Variants in AGBL1 observed in about 807,000 individuals in gnomAD.
AGBL1 encodes the protein AGBL carboxypeptidase 1, also known as cytosolic carboxypeptidase 4.
A neutral mutation model predicts 118.9 loss-of-function variants in AGBL1; 130 were observed. The observed-to-expected ratio is 1.09, with a 90% confidence interval of 0.95 to 1.26. AGBL1 has a LOEUF of 1.26. Among genes scored for constraint, AGBL1 ranks in the 50% most tolerant of loss-of-function variants. AGBL1 has a pLI of 0.00. For synonymous variants in AGBL1, 555 were observed against 478.9 expected (o/e 1.16, Z -2.08); for missense variants, 1,584 against 1,298.1 (o/e 1.22, Z -3.38).
At chr15:86,697,940 C>T (rs961661535) in intron 22 of AGBL1, among the ~76,000 whole-genome samples, 2 of 151,908 alleles carry the variant, frequency 1.3e-5, no homozygotes, top group South Asian at 2.1e-4. Context: ...GGGCTGTCTC[C>T]CAGGTCCTGC....
chr15:86,550,831 G>A (rs2083654350), intron 20 of AGBL1, among the ~76,000 whole-genome samples: 1 of 151,724 alleles, frequency 6.6e-6, no homozygotes, highest in Non-Finnish European at 1.5e-5. Context: ...CTTATAATAG[G>A]CTATTAAATA....
chr15:86,720,922 A>G (rs1156400103), intron 22 of AGBL1, among the ~76,000 whole-genome samples: 2 of 152,198 alleles, frequency 1.3e-5, no homozygotes, highest in East Asian at 1.9e-4. Context: ...ATTCCTCAAC[A>G]CATACACCCT....
At chr15:86,311,321 A>G (rs1354999974) in intron 17 of AGBL1, among the ~76,000 whole-genome samples, 3 of 152,172 alleles carry the variant, frequency 2.0e-5, no homozygotes, top group African/African-American at 7.2e-5. Context: ...TGATCTTTCT[A>G]CTTTACATGC....
intron 18 of AGBL1, among the ~76,000 whole-genome samples, chr15:86,450,579 T>G (rs2082181068): frequency 6.6e-6 from 1 of 152,192 alleles, no homozygotes; most frequent in Admixed American, 6.5e-5. Context: ...GAATGACTAC[T>G]TACTTACCCA....
At chr15:86,495,661 C>T (rs1396505652) in intron 18 of AGBL1, among the ~76,000 whole-genome samples, 1 of 151,892 alleles carries the variant, frequency 6.6e-6, no homozygotes, top group Non-Finnish European at 1.5e-5. Flanking sequence ...TTTGATTAAA[C>T]AACCTGGTCT....
rs1341920193 is a variant in AGBL1 at position 86,907,342 on chromosome 15, T to G, written c.*48T>G. On this transcript the variant is annotated 3_prime_UTR_variant, in exon 23 of 23. Coordinates refer to ENST00000614907, the MANE Select transcript of AGBL1 (RefSeq NM_001386094.1). Reference sequence around the variant, plus strand: ...TGTGTCTCCAACCATTGGATTGGACTAGCAGCTGTGTTGCTGCTTCTTCAT... The same window carrying G: ...TGTGTCTCCAACCATTGGATTGGACGAGCAGCTGTGTTGCTGCTTCTTCAT... 3 of 152,226 alleles carry G rather than the reference T, an allele frequency of 2.0e-5. No individual in the cohort carries two copies. The highest frequency in any genetic ancestry group is 7.2e-5 in the African/African-American group (3 of 41,460). 9.4% of individuals were successfully genotyped at this position (152,226 alleles called of 1,614,324 possible).
At position 86,562,856 on chromosome 15, in the gene AGBL1, C is replaced by T. The variant is rs2083848020; in HGVS notation, c.2994+8319C>T. ...GGTCTATTCAGGGAATCAACTTCTTCCTGGTTTAGTCTTGGGAGGGTGCAT... is the reference window on the plus strand; with the variant it reads ...GGTCTATTCAGGGAATCAACTTCTTTCTGGTTTAGTCTTGGGAGGGTGCAT... On this transcript the variant is annotated intron_variant, in intron 21 of 22. Transcript: ENST00000614907. Among the ~76,000 whole-genome samples the T allele has an allele frequency of 3.3e-5, 4 of 122,384 alleles. 1 individual carries two copies. The South Asian group carries it at 1.1e-3, about 35-fold the overall frequency. The allele number at this position is 122,384 out of a possible 152,430, so 80.3% of individuals were successfully genotyped here.
intron 16 of AGBL1, among the ~76,000 whole-genome samples, chr15:86,286,546 A>G (rs749566516): frequency 8.6e-5 from 13 of 151,812 alleles, no homozygotes; most frequent in Non-Finnish European, 1.5e-4. Context: ...TATTTCATGT[A>G]TAAGTGAGAT....
chr15:86,749,125 A>G (rs949051900), intron 22 of AGBL1, among the ~76,000 whole-genome samples: 21 of 152,238 alleles, frequency 1.4e-4, no homozygotes, highest in African/African-American at 4.8e-4. Context: ...CACGATATTG[A>G]TTCTTCCTAT....
At chr15:86,586,360 A>T (rs2084247778) in intron 21 of AGBL1, among the ~76,000 whole-genome samples, 1 of 152,134 alleles carries the variant, frequency 6.6e-6, no homozygotes, top group Non-Finnish European at 1.5e-5. Flanking sequence ...ATTTATTAGA[A>T]CTTACTATGT....
intron 17 of AGBL1, among the ~76,000 whole-genome samples, chr15:86,352,682 A>C (rs2080646647): frequency 6.6e-6 from 1 of 152,070 alleles, no homozygotes; most frequent in Admixed American, 6.5e-5. Context: ...GGGTTTCACT[A>C]TGTTGGCCAG....
chr15:86,819,073 T>C (rs995549215), intron 22 of AGBL1, among the ~76,000 whole-genome samples: 1 of 151,964 alleles, frequency 6.6e-6, no homozygotes, highest in African/African-American at 2.4e-5. Flanking sequence ...CTGGAAGTCT[T>C]TCCAGACAAA....
intron 22 of AGBL1, among the ~76,000 whole-genome samples, chr15:86,732,277 G>C (rs377386722): frequency 2.2e-4 from 34 of 152,268 alleles, no homozygotes; most frequent in African/African-American, 7.9e-4. Flanking sequence ...ATGTATATTT[G>C]TTTATGTGAT....
At chr15:86,669,766 G>A (rs1204758658) in intron 21 of AGBL1, among the ~76,000 whole-genome samples, 1 of 152,020 alleles carries the variant, frequency 6.6e-6, no homozygotes, top group Non-Finnish European at 1.5e-5. Context: ...TTCTTGATGA[G>A]ATTATAGAGC....
chr15:86,686,414 T>G (rs887526848), intron 22 of AGBL1, among the ~76,000 whole-genome samples: 4 of 151,918 alleles, frequency 2.6e-5, no homozygotes, highest in Admixed American at 2.6e-4. Flanking sequence ...TAGTAACTGA[T>G]GTTTATTGAC....
intron 6 of AGBL1, among the ~76,000 whole-genome samples, chr15:86,245,529 G>A (rs553802978): frequency 1.2e-4 from 19 of 152,276 alleles, no homozygotes; most frequent in Middle Eastern, 3.4e-3. Context: ...GATCTGAACC[G>A]GTACATGCTT....
intron 21 of AGBL1, among the ~76,000 whole-genome samples, chr15:86,627,101 A>G (rs541640523): frequency 6.6e-6 from 1 of 152,028 alleles, no homozygotes; most frequent in Non-Finnish European, 1.5e-5. Flanking sequence ...CCTGGGTTCA[A>G]GTGATTCTCC....
At position 86,548,661 on chromosome 15, in the gene AGBL1, A is replaced by ATG. The variant is rs2083620489; in HGVS notation, c.2817+2528_2817+2529insTG. Among the ~76,000 whole-genome samples, 4 of 105,906 alleles carry ATG rather than the reference A, an allele frequency of 3.8e-5. No homozygotes were observed. In the South Asian group the frequency reaches 1.4e-3, roughly 37 times the overall value. The allele number at this position is 105,906 out of a possible 152,430, so 69.5% of individuals were successfully genotyped here. A position where few individuals can be genotyped will look rare whatever the true frequency, so the allele number is the denominator to read the frequency against. On this transcript the variant is annotated intron_variant, in intron 20 of 22. Transcript: ENST00000614907. Reference sequence around the variant, plus strand: ...AGGATAGCCACACACACACACATGCACGCACACACACACACACACACACAC... The same window carrying ATG: ...AGGATAGCCACACACACACACATGCATGCGCACACACACACACACACACACAC...
intron 21 of AGBL1, among the ~76,000 whole-genome samples, chr15:86,558,481 C>A (rs1020781086): frequency 6.6e-6 from 1 of 152,292 alleles, no homozygotes; most frequent in Non-Finnish European, 1.5e-5. Context: ...TCAACCTCCC[C>A]CTCTGCCCAA....
Sources: allele counts gnomAD v4.1 joint callset (sites outside exome capture counted in the v4.1 genomes callset), GRCh38; gene constraint gnomAD v4.1.1; transcripts MANE v1.5; gene names NCBI Gene and HGNC (gene_info 2026-07-23, HGNC 2026-07-21).